Variants in FRMD5 observed in about 807,000 individuals in gnomAD.
The protein encoded by FRMD5 is FERM domain containing 5.
Under a neutral mutation model 69.0 loss-of-function variants are expected in FRMD5, and 20 were observed. The ratio of observed to expected loss-of-function variants is 0.29; its 90% CI spans 0.20 to 0.42. The LOEUF is 0.42. Ranked by LOEUF, FRMD5 falls within the 10% of genes least tolerant of loss-of-function variation. The pLI is 1.00. For synonymous variants in FRMD5, 271 were observed against 260.1 expected, an observed-to-expected ratio of 1.04 and a Z score of -0.40; for missense variants, 595 against 708.6, an observed-to-expected ratio of 0.84 and a Z score of 1.82.
intron 1 of FRMD5, among the ~76,000 whole-genome samples, chr15:44,121,860 T>C (rs544341553): frequency 1.7e-4 from 26 of 151,508 alleles, no homozygotes; most frequent in African/African-American, 6.3e-4. Flanking sequence ...CCGGGCATGG[T>C]AGCGTGTGCC....
rs1468369226 is a variant in FRMD5 at position 43,878,939 on chromosome 15, T to C, written c.1136-4477A>G. Among the ~76,000 whole-genome samples the C allele has an allele frequency of 2.0e-4, 28 of 143,264 alleles. 1 individual carries two copies. Among genetic ancestry groups the C allele is most frequent in the Admixed American group, 1.4e-3 (20 of 14,504 alleles). The allele number at this position is 143,264 out of a possible 152,430, so 94.0% of individuals were successfully genotyped here. A position where few individuals can be genotyped will look rare whatever the true frequency, so the allele number is the denominator to read the frequency against. On this transcript the variant is annotated intron_variant, in intron 13 of 13. Transcript: ENST00000417257. ...TCTTTTTTTTTTTCTTTTCTTTTTT[T>C]TTTTTTTTTTTGAGATGGAATCTCA...
chr15:43,957,180 G>A (rs1450243575), intron 1 of FRMD5, among the ~76,000 whole-genome samples: 1 of 152,018 alleles, frequency 6.6e-6, no homozygotes, highest in Admixed American at 6.6e-5. Flanking sequence ...TAAAATATTT[G>A]TGATAATTTC....
intron 1 of FRMD5, among the ~76,000 whole-genome samples, chr15:44,003,104 A>G (rs1009978695): frequency 2.0e-5 from 3 of 152,168 alleles, no homozygotes; most frequent in African/African-American, 4.8e-5. Context: ...TTGCTCAGAT[A>G]AAAAACCCTG....
chr15:44,180,424 T>C (rs1406883161), intron 1 of FRMD5, among the ~76,000 whole-genome samples: 1 of 152,174 alleles, frequency 6.6e-6, no homozygotes, highest in African/African-American at 2.4e-5. Context: ...AGTACCTTCA[T>C]TTTAATTGTA....
intron 1 of FRMD5, among the ~76,000 whole-genome samples, chr15:44,050,823 A>G (rs1052483860): frequency 6.6e-6 from 1 of 150,868 alleles, no homozygotes; most frequent in Non-Finnish European, 1.5e-5. Context: ...ACACTCAGCT[A>G]ATTTTTGTAT....
intron 13 of FRMD5, among the ~76,000 whole-genome samples, chr15:43,878,506 G>C (rs944830808): frequency 2.0e-5 from 3 of 152,176 alleles, no homozygotes; most frequent in Non-Finnish European, 4.4e-5. Flanking sequence ...CTGTTCCTCT[G>C]ATCTCTCTTC....
intron 4 of FRMD5, among the ~76,000 whole-genome samples, chr15:43,915,067 C>CT (rs903285337): frequency 6.6e-6 from 1 of 152,160 alleles, no homozygotes; most frequent in Admixed American, 6.5e-5. Flanking sequence ...GATGAAGAGA[C>CT]TGAGTGCTTA....
intron 1 of FRMD5, among the ~76,000 whole-genome samples, chr15:44,100,214 C>T (rs1025774535): frequency 1.3e-5 from 2 of 150,408 alleles, no homozygotes; most frequent in South Asian, 2.1e-4. Context: ...CCACCACACC[C>T]GGCTAAATTT....
intron 1 of FRMD5, among the ~76,000 whole-genome samples, chr15:44,170,384 G>C (rs565667300): frequency 6.6e-6 from 1 of 152,056 alleles, no homozygotes; most frequent in Non-Finnish European, 1.5e-5. Context: ...TTAGCTGAGC[G>C]TGGTGGCATA....
chr15:44,085,286 G>A lies in FRMD5; in HGVS notation c.102+109667C>T, dbSNP rs78631729. Among the ~76,000 whole-genome samples, 16 of 152,170 alleles carry A rather than the reference G, an allele frequency of 1.1e-4. 1 individual carries two copies. The East Asian group carries it at 2.7e-3, about 26-fold the overall frequency. ...CTAACTCCTATTTGAGAAGCAAAGT[G>A]GAAAGACAGGAGATTAGACAAGAAA... is the stretch of plus-strand genomic sequence containing the variant. On this transcript the variant is annotated intron_variant, in intron 1 of 13. Coordinates refer to ENST00000417257, the MANE Select transcript of FRMD5 (RefSeq NM_032892.5).
chr15:43,921,941 C>A (rs944784563), intron 2 of FRMD5, among the ~76,000 whole-genome samples: 1 of 152,210 alleles, frequency 6.6e-6, no homozygotes, highest in Non-Finnish European at 1.5e-5. Context: ...TGGGTTCAGA[C>A]TGTCTTGAGA....
intron 13 of FRMD5, among the ~76,000 whole-genome samples, chr15:43,875,363 A>AAATATATAT (rs1366807150): frequency 8.5e-5 from 9 of 105,326 alleles, no homozygotes; most frequent in African/African-American, 3.6e-4. Flanking sequence ...AAAAAAAAAA[A>AAATATATAT]ATATATATAT....
chr15:43,913,949 C>G (rs539641863), intron 4 of FRMD5, among the ~76,000 whole-genome samples: 1 of 152,346 alleles, frequency 6.6e-6, no homozygotes, highest in Non-Finnish European at 1.5e-5. Flanking sequence ...ACGCTTGCTT[C>G]TGAGGAAACT....
At chr15:43,949,141 G>A (rs1191413326) in intron 1 of FRMD5, among the ~76,000 whole-genome samples, 1 of 152,128 alleles carries the variant, frequency 6.6e-6, no homozygotes, top group Non-Finnish European at 1.5e-5. Flanking sequence ...TCACCAATGG[G>A]GACACCTCAG....
chr15:44,050,334 G>A (rs905673747), intron 1 of FRMD5, among the ~76,000 whole-genome samples: 1 of 152,052 alleles, frequency 6.6e-6, no homozygotes, highest in Non-Finnish European at 1.5e-5. Context: ...TGCTTGAGGA[G>A]TATCTGATAA....
rs768779001 is a variant in FRMD5, at chr15:44,015,138, C to CT, written c.103-90830dup. The stretch of plus-strand genomic sequence containing the variant: ...GAGACCCAAGCAAGCCTTACTGAAA[C>CT]TTTTTTTTTTTTTTCAAGACAGGGT... On this transcript the variant is annotated intron_variant, in intron 1 of 13. Transcript: ENST00000417257. 1.9e-3 allele frequency among the ~76,000 whole-genome samples: 271 copies of CT among 143,878 alleles called. 1 individual carries two copies. The highest frequency in any genetic ancestry group is 9.5e-3 in the East Asian group (47 of 4,958). The allele number at this position is 143,878 out of a possible 152,430, so 94.4% of individuals were successfully genotyped here.
At chr15:44,059,181 G>A (rs150344394) in intron 1 of FRMD5, among the ~76,000 whole-genome samples, 1 of 152,304 alleles carries the variant, frequency 6.6e-6, no homozygotes, top group African/African-American at 2.4e-5. Context: ...AGAACATTTT[G>A]GAGAAAGCTA....
At chr15:44,175,512 G>A (rs921765817) in intron 1 of FRMD5, among the ~76,000 whole-genome samples, 3 of 152,186 alleles carry the variant, frequency 2.0e-5, no homozygotes, top group Admixed American at 6.5e-5. Flanking sequence ...TATATTGCTG[G>A]TGGGAATGCA....
chr15:44,060,885 T>C (rs543303531), intron 1 of FRMD5, among the ~76,000 whole-genome samples: 17 of 152,338 alleles, frequency 1.1e-4, no homozygotes, highest in Non-Finnish European at 1.8e-4. Context: ...AAACATTTTA[T>C]ATCCCTTAAA....
Sources: allele counts gnomAD v4.1 joint callset (sites outside exome capture counted in the v4.1 genomes callset), GRCh38; gene constraint gnomAD v4.1.1; transcripts MANE v1.5; gene names NCBI Gene and HGNC (gene_info 2026-07-23, HGNC 2026-07-21).